Variants in HEPH observed in about 807,000 individuals in gnomAD.
HEPH encodes hephaestin.
A neutral mutation model predicts 80.8 loss-of-function variants in HEPH; 69 were observed. That is an observed-to-expected ratio of 0.85 (90% confidence interval 0.70 to 1.04). The LOEUF (loss-of-function observed/expected upper bound fraction) is 1.04, where lower values mean the gene tolerates loss of function less well. Among genes scored for constraint, HEPH ranks in the 50% least tolerant of loss-of-function variants. HEPH has a pLI of 0.00. For missense variants in HEPH, 1,115 were observed against 891.3 expected, an observed-to-expected ratio of 1.25 and a Z score of -3.20; for synonymous variants, 431 against 322.8, an observed-to-expected ratio of 1.34 and a Z score of -3.60.
At chrX:66,229,082 A>G (rs2090013103) in intron 15 of HEPH, among the ~76,000 whole-genome samples, 1 of 112,592 alleles carries the variant, frequency 8.9e-6, no homozygotes, top group Non-Finnish European at 1.9e-5. Context: ...TTGCACATGC[A>G]TGTTTATAGC....
chrX:66,192,590 C>G (rs934268681), intron 7 of HEPH, among the ~76,000 whole-genome samples: 1 of 111,597 alleles, frequency 9.0e-6, no homozygotes, highest in Non-Finnish European at 1.9e-5. Flanking sequence ...AAAGGAAAGC[C>G]CAGGTGGGAC....
In HEPH at chrX:66,263,646, C is replaced by T. The variant is rs1419745588; in HGVS notation, c.3202C>T (p.His1068Tyr). The T allele has an allele frequency of 1.1e-5, 13 of 1,208,259 alleles. No individual in the cohort carries two copies. The highest frequency in any genetic ancestry group is 1.5e-5 in the Non-Finnish European group (13 of 894,164). Residue 1068 changes from histidine to tyrosine, a missense_variant and splice_region_variant, in exon 20 of 21, where the codon CAC (histidine) becomes TAC (tyrosine). His to Tyr is a moderately conservative substitution (Grantham distance 83). This residue lies in a region of HEPH where 716 missense variants were observed against 523.5 expected (regional missense o/e 1.37). Coordinates refer to ENST00000343002, the MANE Select transcript of HEPH (RefSeq NM_001367233.3). ...TLFTVFSRTE[H>Y]LSPLTVITKE... Reference sequence around the variant, plus strand: ...TTGTCTTTTTTCCCCCCAACCAGAACACTTAAGCCCTCTCACCGTCATCAC... The same window carrying T: ...TTGTCTTTTTTCCCCCCAACCAGAATACTTAAGCCCTCTCACCGTCATCAC...
At chrX:66,176,849 C>T (rs771006117) in intron 4 of HEPH, among the ~76,000 whole-genome samples, 7 of 111,669 alleles carry the variant, frequency 6.3e-5, no homozygotes, top group African/African-American at 1.3e-4. Context: ...TTTATGGCTG[C>T]GTAGTATTCC....
chrX:66,190,107 A>C (rs1480604741), intron 6 of HEPH, among the ~76,000 whole-genome samples, 169 bp downstream of exon 6: 1 of 105,817 alleles, frequency 9.5e-6, no homozygotes, highest in African/African-American at 3.5e-5. Flanking sequence ...TTTTTCCTGA[A>C]TCTGCTGGGA....
chrX:66,174,201 A>C (rs1261003000), intron 4 of HEPH, among the ~76,000 whole-genome samples: 2 of 109,861 alleles, frequency 1.8e-5, no homozygotes, highest in Non-Finnish European at 3.8e-5. Flanking sequence ...CCATTGTATC[A>C]TTCTTATTCT....
At chrX:66,268,354 T>C (rs1318496804), downstream of HEPH, 3 of 112,062 alleles carry the variant, frequency 2.7e-5, no homozygotes, top group African/African-American at 9.7e-5. Context: ...GAAAACACAA[T>C]CCAGAAGCTA....
At chrX:66,193,721 T>G in intron 8 of HEPH, 83 bp downstream of exon 8, 1 of 714,405 alleles carries the variant, frequency 1.4e-6, no homozygotes, top group Non-Finnish European at 2.1e-6. Flanking sequence ...TGGACATCAC[T>G]TAGGAGCACA....
chrX:66,189,637 G>T (rs1396016656), intron 5 of HEPH, 47 bp from the exon 6 acceptor site: 2 of 1,177,305 alleles, frequency 1.7e-6, no homozygotes, highest in Admixed American at 4.5e-5. Context: ...CTTCCATTTG[G>T]CTGTCCTTTC....
chrX:66,180,968 G>A (rs200025870), intron 4 of HEPH, among the ~76,000 whole-genome samples: 1 of 98,805 alleles, frequency 1.0e-5, no homozygotes, highest in Non-Finnish European at 2.0e-5. Flanking sequence ...TTGTTCTTGC[G>A]ATAGTTTACT....
intron 18 of HEPH, among the ~76,000 whole-genome samples, chrX:66,259,895 TTTTA>T (rs1007604958): frequency 9.2e-6 from 1 of 108,815 alleles, no homozygotes; most frequent in Non-Finnish European, 1.9e-5. Flanking sequence ...TTTTTTTATT[TTTTA>T]TTTTTTTTAG....
chrX:66,181,860 T>C (rs1480802219), intron 4 of HEPH, among the ~76,000 whole-genome samples: 1 of 102,232 alleles, frequency 9.8e-6, no homozygotes, highest in Non-Finnish European at 2.0e-5. Context: ...TTAATCCATC[T>C]TGAATTGATT....
At chrX:66,268,258 ATCTG>A (rs752162388), downstream of HEPH, 2 of 112,117 alleles carry the variant, frequency 1.8e-5, no homozygotes, top group African/African-American at 6.5e-5. Context: ...CTGTCCAGCA[ATCTG>A]TCTGTCTAGG....
chrX:66,195,466 C>G (rs1173957770), intron 9 of HEPH, among the ~76,000 whole-genome samples: 3 of 110,795 alleles, frequency 2.7e-5, no homozygotes, highest in Non-Finnish European at 5.7e-5. Flanking sequence ...TATTATAGAA[C>G]TCTGAAAAGC....
intron 16 of HEPH, among the ~76,000 whole-genome samples, 158 bp from the exon 17 acceptor site, chrX:66,255,947 A>G (rs913730292): frequency 4.4e-5 from 5 of 112,572 alleles, no homozygotes; most frequent in Non-Finnish European, 7.5e-5. Flanking sequence ...GTTAGAATGA[A>G]TTCAAATAAC....
intron 17 of HEPH, among the ~76,000 whole-genome samples, chrX:66,257,210 C>T (rs2148199237): frequency 8.9e-6 from 1 of 111,962 alleles, no homozygotes; most frequent in African/African-American, 3.2e-5. Context: ...CCTGTCAAAT[C>T]AGAGAAATGG....
intron 15 of HEPH, 85 bp from the exon 16 acceptor site, chrX:66,254,950 A>G: frequency 5.8e-6 from 3 of 513,636 alleles, no homozygotes; most frequent in Non-Finnish European, 9.8e-6. Context: ...GATGGGATTC[A>G]CTCACCACTG....
Position 66,266,995 on chromosome X carries a change from C to CA in HEPH, c.*324dup, listed in dbSNP as rs2091559198. On this transcript the variant is annotated 3_prime_UTR_variant, in exon 21 of 21. Coordinates refer to ENST00000343002, the MANE Select transcript of HEPH (RefSeq NM_001367233.3). ...GAAATTTCTAGAAATGTATCCTTCT[C>CA]ACAAAGTAGAGACCAAGAGAAAAAC... is the stretch of plus-strand genomic sequence containing the variant. The CA allele has an allele frequency of 4.9e-6, 1 of 203,271 alleles. No homozygotes were observed. Among genetic ancestry groups the CA allele is most frequent in the Non-Finnish European group, 9.0e-6 (1 of 111,407 alleles). The allele number at this position is 203,271 out of a possible 1,213,427, so 16.8% of individuals were successfully genotyped here. A position where few individuals can be genotyped will look rare whatever the true frequency, so the allele number is the denominator to read the frequency against.
chrX:66,164,394 G>T lies in HEPH; in HGVS notation c.-90G>T, dbSNP rs368441328. On this transcript the variant is annotated 5_prime_UTR_variant, in exon 1 of 21. Transcript: ENST00000343002. ...CCAAGATACTGACTGAACATGGCTG[G>T]CGGACTCAGGCTGGGGTCTGCAGTG... 6.7e-6 allele frequency: 5 copies of T among 751,454 alleles called. No homozygotes were observed. Among genetic ancestry groups the T allele is most frequent in the Non-Finnish European group, 7.8e-6 (5 of 638,076 alleles). The allele number at this position is 751,454 out of a possible 1,213,427, so 61.9% of individuals were successfully genotyped here.
chrX:66,247,291 T>C (rs2090849254), intron 15 of HEPH, among the ~76,000 whole-genome samples: 1 of 108,282 alleles, frequency 9.2e-6, no homozygotes, highest in South Asian at 4.2e-4. Flanking sequence ...TTGACTTCCA[T>C]AATACATATA....
Sources: gnomAD v4.1 joint callset for allele counts (sites outside exome capture counted in the v4.1 genomes callset) on GRCh38, gnomAD v4.1.1 for gene constraint, gnomAD v4.1.1 regional missense constraint, MANE v1.5 for transcripts, NCBI Gene and HGNC (gene_info 2026-07-23, HGNC 2026-07-21) for gene names.